The following CUX1 variants were observed in gnomAD, a reference collection of about 807,000 sequenced individuals.
CUX1 encodes protein CASP.
A neutral mutation model predicts 158.8 loss-of-function variants in CUX1; 31 were observed. The ratio of observed to expected loss-of-function variants is 0.20; its 90% CI spans 0.15 to 0.26. CUX1 has a LOEUF of 0.26. CUX1 is among the 10% of genes least tolerant of loss of function. The pLI is 1.00. For missense variants in CUX1, 1,589 were observed against 2,014.6 expected (o/e 0.79, Z 4.04); for synonymous variants, 879 against 862.1 (o/e 1.02, Z -0.34).
At chr7:101,973,098 T>A (rs1466542058) in intron 2 of CUX1, among the ~76,000 whole-genome samples, 2 of 152,168 alleles carry the variant, frequency 1.3e-5, no homozygotes, top group African/African-American at 4.8e-5. Context: ...GAGAGAAGAA[T>A]CAAGTCCATC....
At chr7:102,059,788 C>A (rs181658910) in intron 3 of CUX1, among the ~76,000 whole-genome samples, 2 of 152,196 alleles carry the variant, frequency 1.3e-5, no homozygotes, top group South Asian at 2.1e-4. Flanking sequence ...AGCCAGACTT[C>A]GAGTGAGACA....
At chr7:102,063,193 C>T (rs925061745) in intron 3 of CUX1, among the ~76,000 whole-genome samples, 5 of 151,672 alleles carry the variant, frequency 3.3e-5, no homozygotes, top group African/African-American at 1.2e-4. Flanking sequence ...CCGTGGAATC[C>T]AGTAGCGGCC....
At position 102,250,619 on chromosome 7, in the gene CUX1, C is replaced by T. The variant is rs1300330556; in HGVS notation, c.*1577C>T. 1.0e-6 allele frequency: 1 copy of T among 985,360 alleles called. No individual in the cohort carries two copies. The highest frequency in any genetic ancestry group is 1.2e-6 in the Non-Finnish European group (1 of 829,954). The allele number at this position is 985,360 out of a possible 1,614,324, so 61.0% of individuals were successfully genotyped here. On this transcript the variant is annotated 3_prime_UTR_variant, in exon 24 of 24. Coordinates refer to ENST00000292535, the MANE Select transcript of CUX1 (RefSeq NM_181552.4). Reference sequence around the variant, plus strand: ...AAACTCACACCAAAACGTGGATGCTCTTCAACTTCCAAACCTACCATTTGC... The same window carrying T: ...AAACTCACACCAAAACGTGGATGCTTTTCAACTTCCAAACCTACCATTTGC...
chr7:102,041,107 T>G (rs1822019311), intron 3 of CUX1, among the ~76,000 whole-genome samples: 1 of 150,488 alleles, frequency 6.6e-6, no homozygotes, highest in African/African-American at 2.4e-5. Flanking sequence ...GCCAACATAG[T>G]GAAACCCTGT....
In CUX1 at chr7:102,197,259, T is replaced by C. The variant is rs368838738; in HGVS notation, c.1848T>C (p.Asp616=). Residue 616 remains aspartate (D), a synonymous_variant, in exon 15 of 24, where the codon GAT becomes GAC. Coordinates refer to ENST00000292535, the MANE Select transcript of CUX1 (RefSeq NM_181552.4). ...ACAAGATGAAACAGTTCCTCTCCGA[T>C]GAGCAGAACATCCTGGCCCTCCGTA... The part of the protein sequence containing the change: ...PFHKMKQFLS[D]EQNILALRSI... 9.9e-6 allele frequency: 16 copies of C among 1,613,986 alleles called. No homozygotes were observed. The highest frequency in any genetic ancestry group is 1.3e-5 in the Non-Finnish European group (15 of 1,180,020).
intron 4 of CUX1, among the ~76,000 whole-genome samples, chr7:102,085,445 A>AT (rs1554480101): frequency 3.3e-5 from 5 of 152,146 alleles, no homozygotes; most frequent in African/African-American, 4.8e-5. Flanking sequence ...GGGGGTGGTT[A>AT]TCCCCATGCT....
At chr7:101,959,742 C>T (rs1810236810) in intron 2 of CUX1, 1 of 152,074 alleles carries the variant, frequency 6.6e-6, no homozygotes, top group Non-Finnish European at 1.5e-5. Flanking sequence ...TGTTCCTGCT[C>T]GATTTGGGGA....
At chr7:102,114,612 C>T (rs1303202946) in intron 7 of CUX1, among the ~76,000 whole-genome samples, 3 of 152,116 alleles carry the variant, frequency 2.0e-5, no homozygotes, top group Non-Finnish European at 4.4e-5. Flanking sequence ...GTACAGTGGC[C>T]CACACCTGTA....
chr7:101,829,379 A>T (rs1298102609), intron 1 of CUX1, among the ~76,000 whole-genome samples: 1 of 152,070 alleles, frequency 6.6e-6, no homozygotes, highest in Admixed American at 6.6e-5. Context: ...TAATGGTTTC[A>T]TGGGAACAGA....
chr7:101,885,433 G>A (rs532479443), intron 1 of CUX1, among the ~76,000 whole-genome samples: 1 of 152,252 alleles, frequency 6.6e-6, no homozygotes, highest in South Asian at 2.1e-4. Flanking sequence ...AGAACCAAAG[G>A]TGGGAGGTTC....
At chr7:102,032,933 C>T (rs1460924212) in intron 3 of CUX1, among the ~76,000 whole-genome samples, 1 of 152,070 alleles carries the variant, frequency 6.6e-6, no homozygotes, top group Non-Finnish European at 1.5e-5. Context: ...TGCACATACC[C>T]TCTAGGAAAA....
At chr7:102,244,736 A>G (rs978594897) in intron 23 of CUX1, among the ~76,000 whole-genome samples, 4 of 152,132 alleles carry the variant, frequency 2.6e-5, no homozygotes, top group African/African-American at 4.8e-5. Context: ...CCCAGGATTG[A>G]TGACGAGATT....
At position 102,129,731 on chromosome 7, in the gene CUX1, T is replaced by G. The variant is rs554797241; in HGVS notation, c.674+14458T>G. Among the ~76,000 whole-genome samples the G allele has an allele frequency of 1.3e-4, 20 of 152,252 alleles. 1 individual carries two copies. The East Asian group carries it at 3.5e-3, about 26-fold the overall frequency. On this transcript the variant is annotated intron_variant, in intron 8 of 23. Coordinates refer to ENST00000292535, the MANE Select transcript of CUX1 (RefSeq NM_181552.4). The stretch of plus-strand genomic sequence containing the variant: ...GTTAATAATCTAGTAACTAACTGTC[T>G]TCTATGTGCCACATTTTTGCAAGAT...
intron 2 of CUX1, among the ~76,000 whole-genome samples, chr7:101,945,024 T>C (rs1158036873): frequency 6.6e-6 from 1 of 152,132 alleles, no homozygotes; most frequent in Non-Finnish European, 1.5e-5. Flanking sequence ...CATTGCACTT[T>C]CCCAGAAATT....
intron 2 of CUX1, among the ~76,000 whole-genome samples, chr7:101,936,631 G>A (rs145088021): frequency 2.2e-4 from 34 of 152,296 alleles, no homozygotes; most frequent in African/African-American, 7.7e-4. Context: ...GGCTGCCGTG[G>A]GTGGTCTGGA....
chr7:102,256,625 T>A lies in CUX1; in HGVS notation c.*7583T>A. 3.0e-6 allele frequency: 3 copies of A among 985,448 alleles called. No homozygotes were observed. Among genetic ancestry groups the A allele is most frequent in the Non-Finnish European group, 3.6e-6 (3 of 829,938 alleles). The allele number at this position is 985,448 out of a possible 1,614,324, so 61.0% of individuals were successfully genotyped here. Reference sequence around the variant, plus strand: ...GAGAGTGTTTATGAACAAAAAAATTTACCAACGTGTGAGGGAGTTGCTGAG... The same window carrying A: ...GAGAGTGTTTATGAACAAAAAAATTAACCAACGTGTGAGGGAGTTGCTGAG... On this transcript the variant is annotated 3_prime_UTR_variant, in exon 24 of 24. Coordinates refer to ENST00000292535, the MANE Select transcript of CUX1 (RefSeq NM_181552.4).
At position 102,090,529 on chromosome 7, in the gene CUX1, A is replaced by G. The variant is rs192804552; in HGVS notation, c.269-6835A>G. Among the ~76,000 whole-genome samples the G allele has an allele frequency of 1.8e-3, 281 of 152,076 alleles. 1 individual carries two copies. The highest frequency in any genetic ancestry group is 6.5e-3 in the African/African-American group (270 of 41,486). ...CAGCCTCCCGAGTAGCTGGGACTAC[A>G]GGAGCCCGCCACCACGCCCAGCTAA... On this transcript the variant is annotated intron_variant, in intron 4 of 23. Transcript: ENST00000292535.
At chr7:101,874,939 C>T (rs570661716) in intron 1 of CUX1, among the ~76,000 whole-genome samples, 38 of 152,292 alleles carry the variant, frequency 2.5e-4, no homozygotes, top group Non-Finnish European at 3.5e-4. Flanking sequence ...GGACAGACAC[C>T]GCTGCTGTTA....
chr7:102,060,817 T>A (rs780451123), intron 3 of CUX1, among the ~76,000 whole-genome samples: 3 of 151,634 alleles, frequency 2.0e-5, no homozygotes, highest in Non-Finnish European at 2.9e-5. Flanking sequence ...TTTCACCATG[T>A]TGGCCAGGCT....
Sources: gnomAD v4.1 joint callset for allele counts (sites outside exome capture counted in the v4.1 genomes callset) on GRCh38, gnomAD v4.1.1 for gene constraint, MANE v1.5 for transcripts, NCBI Gene and HGNC (gene_info 2026-07-23, HGNC 2026-07-21) for gene names.